ARHGAP28: variants seen among roughly 807,000 people sequenced by gnomAD.
The protein encoded by ARHGAP28 is Rho GTPase activating protein 28, also known as rho GTPase-activating protein 28.
In ARHGAP28, 56 loss-of-function variants were observed where a neutral mutation model predicts 90.7. The observed-to-expected ratio is 0.62, with a 90% CI of 0.50 to 0.77. The LOEUF (loss-of-function observed/expected upper bound fraction) is 0.77. Ranked by LOEUF, ARHGAP28 falls within the 30% of genes least tolerant of loss-of-function variation. ARHGAP28 has a pLI of 0.00. For missense variants in ARHGAP28, 869 were observed against 900.9 expected, an observed-to-expected ratio of 0.96 and a Z score of 0.45; for synonymous variants, 308 against 323.3, an observed-to-expected ratio of 0.95 and a Z score of 0.51.
chr18:6,873,328 G>A (rs946721904), intron 7 of ARHGAP28, 81 bp from the exon 8 acceptor site: 16 of 1,186,916 alleles, frequency 1.3e-5, no homozygotes, highest in Non-Finnish European at 1.8e-5. Context: ...CATAGATTTA[G>A]AGTGTCCAGG....
chr18:6,867,796 G>A (rs1442263238), intron 5 of ARHGAP28, among the ~76,000 whole-genome samples: 1 of 152,084 alleles, frequency 6.6e-6, no homozygotes, highest in Non-Finnish European at 1.5e-5. Flanking sequence ...ATGACATCAG[G>A]CATCATAATT....
chr18:6,912,101 T>C lies in ARHGAP28; in HGVS notation c.2137T>C (p.Tyr713His). 1.2e-6 allele frequency: 2 copies of C among 1,609,436 alleles called. No homozygotes were observed. The highest frequency in any genetic ancestry group is 4.5e-5 in the East Asian group (2 of 44,810). Reference protein sequence around the residue: ...LDPDAYILDVYRINPQAEWVI... With the variant: ...LDPDAYILDVHRINPQAEWVI... ...TCCAGATGCTTATATATTGGATGTATATCGTATAAATCCTCAAGCAGAATG... is the reference window on the plus strand; with the variant it reads ...TCCAGATGCTTATATATTGGATGTACATCGTATAAATCCTCAAGCAGAATG... Residue 713 changes from tyrosine to histidine, a missense_variant, in exon 18 of 18, where the codon TAT (tyrosine) becomes CAT (histidine). Transcript: ENST00000383472.
At chr18:6,870,251 A>T (rs181017908) in intron 6 of ARHGAP28, among the ~76,000 whole-genome samples, 239 of 152,318 alleles carry the variant, frequency 1.6e-3, no homozygotes, top group Non-Finnish European at 1.5e-3. Flanking sequence ...GATGAGCTTA[A>T]TTTTAATATC....
intron 1 of ARHGAP28, among the ~76,000 whole-genome samples, chr18:6,819,608 G>T (rs543708984): frequency 6.6e-6 from 1 of 152,306 alleles, no homozygotes; most frequent in Admixed American, 6.5e-5. Context: ...ATTTGTAGAA[G>T]CTCCAAATGC....
In ARHGAP28 at chr18:6,756,306, T is replaced by G. The variant is rs1244310448; in HGVS notation, c.122+26363T>G. ...TCCTGTCCTCTTTCCCTTCCCTCTC[T>G]TCCTATTCCATCTCCATCCCTTTCA... is the stretch of plus-strand genomic sequence containing the variant. On this transcript the variant is annotated intron_variant, in intron 1 of 17. Transcript: ENST00000383472. 3.3e-5 allele frequency among the ~76,000 whole-genome samples: 5 copies of G among 152,194 alleles called. No individual in the cohort carries two copies. In the East Asian group the frequency reaches 7.7e-4, roughly 23 times the overall value.
chr18:6,774,462 G>T (rs757826536), intron 1 of ARHGAP28, among the ~76,000 whole-genome samples: 3 of 152,078 alleles, frequency 2.0e-5, no homozygotes, highest in Non-Finnish European at 4.4e-5. Flanking sequence ...GTATGGATAT[G>T]GATTTTTAAA....
intron 17 of ARHGAP28, 135 bp downstream of exon 17, chr18:6,909,159 A>G (rs2057380479): frequency 1.2e-5 from 7 of 591,388 alleles, no homozygotes; most frequent in Non-Finnish European, 2.1e-5. Flanking sequence ...TGATATTTTT[A>G]TCTCATGTGG....
intron 1 of ARHGAP28, among the ~76,000 whole-genome samples, chr18:6,753,267 T>C (rs911119861): frequency 1.2e-4 from 19 of 152,246 alleles, no homozygotes; most frequent in Non-Finnish European, 2.5e-4. Flanking sequence ...AAGCTTAAAG[T>C]AGGAAAATTA....
intron 11 of ARHGAP28, among the ~76,000 whole-genome samples, chr18:6,884,601 C>T (rs187527765): frequency 2.6e-5 from 4 of 152,104 alleles, no homozygotes; most frequent in Admixed American, 1.3e-4. Context: ...TCTTTTAAGC[C>T]GGCAGTTTGC....
chr18:6,785,625 A>G (rs1318389542), intron 1 of ARHGAP28, among the ~76,000 whole-genome samples: 1 of 152,200 alleles, frequency 6.6e-6, no homozygotes, highest in Non-Finnish European at 1.5e-5. Context: ...GGTATGTTGT[A>G]ACCCTTATTG....
rs1375661641 is a variant in ARHGAP28 at position 6,841,174 on chromosome 18, CT to C, written c.543+3761del. Among the ~76,000 whole-genome samples, 10 of 81,852 alleles carry C rather than the reference CT, an allele frequency of 1.2e-4. No individual in the cohort carries two copies. In the East Asian group the frequency reaches 2.0e-3, roughly 16 times the overall value. The allele number at this position is 81,852 out of a possible 152,430, so 53.7% of individuals were successfully genotyped here. A position where few individuals can be genotyped will look rare whatever the true frequency, so the allele number is the denominator to read the frequency against. On this transcript the variant is annotated intron_variant, in intron 3 of 17. Coordinates refer to ENST00000383472, the MANE Select transcript of ARHGAP28 (RefSeq NM_001366230.1). ...TCTCCTCTTTCTCTCTCTCCTCTCTCTCTCTCCTCTCTCTCTCTCTCTCTCT... is the reference window on the plus strand; with the variant it reads ...TCTCCTCTTTCTCTCTCTCCTCTCTCCTCTCCTCTCTCTCTCTCTCTCTCT...
At chr18:6,807,140 TTG>T (rs778989095) in intron 1 of ARHGAP28, among the ~76,000 whole-genome samples, 3 of 152,192 alleles carry the variant, frequency 2.0e-5, no homozygotes, top group Non-Finnish European at 2.9e-5. Flanking sequence ...TCTGTGGTTT[TTG>T]TGTTTTCATC....
intron 3 of ARHGAP28, 107 bp downstream of exon 3, chr18:6,837,521 C>A: frequency 1.2e-6 from 1 of 834,770 alleles, no homozygotes; most frequent in Non-Finnish European, 1.9e-6. Flanking sequence ...TTGGGTGGTT[C>A]CATTCTAACT....
chr18:6,864,059 T>C (rs578235037), intron 5 of ARHGAP28, among the ~76,000 whole-genome samples: 33 of 151,794 alleles, frequency 2.2e-4, no homozygotes, highest in African/African-American at 7.2e-4. Context: ...TTATTTTTAT[T>C]TTTATTTTAT....
At chr18:6,765,664 T>A (rs1055582779) in intron 1 of ARHGAP28, among the ~76,000 whole-genome samples, 1 of 152,162 alleles carries the variant, frequency 6.6e-6, no homozygotes, top group Non-Finnish European at 1.5e-5. Context: ...TGACTTAATT[T>A]AATGCTCTTC....
intron 1 of ARHGAP28, among the ~76,000 whole-genome samples, chr18:6,776,985 C>T (rs1182740101): frequency 6.6e-6 from 1 of 152,130 alleles, no homozygotes; most frequent in Non-Finnish European, 1.5e-5. Flanking sequence ...TACAACCTAA[C>T]AAGTTTGGAA....
intron 1 of ARHGAP28, among the ~76,000 whole-genome samples, chr18:6,758,877 A>C (rs1442822448): frequency 6.6e-6 from 1 of 152,210 alleles, no homozygotes; most frequent in Non-Finnish European, 1.5e-5. Context: ...TTATTGTAAG[A>C]GTCAGGAATG....
intron 1 of ARHGAP28, among the ~76,000 whole-genome samples, chr18:6,814,738 C>T (rs376903184): frequency 1.6e-4 from 25 of 152,228 alleles, no homozygotes; most frequent in Non-Finnish European, 3.1e-4. Context: ...ATATATACTG[C>T]AATTTGGCAT....
chr18:6,760,594 G>A (rs1387976106), intron 1 of ARHGAP28, among the ~76,000 whole-genome samples: 1 of 152,178 alleles, frequency 6.6e-6, no homozygotes, highest in African/African-American at 2.4e-5. Context: ...GAAGCTTTCA[G>A]TTCCTTAGCA....
Sources: allele counts gnomAD v4.1 joint callset (sites outside exome capture counted in the v4.1 genomes callset), GRCh38; gene constraint gnomAD v4.1.1; transcripts MANE v1.5; gene names NCBI Gene and HGNC (gene_info 2026-07-23, HGNC 2026-07-21).